DMXL2: variants seen among roughly 807,000 people sequenced by gnomAD.
DMXL2 encodes dmX-like protein 2.
A neutral mutation model predicts 331.1 loss-of-function variants in DMXL2; 103 were observed. The ratio of observed to expected loss-of-function variants is 0.31; its 90% CI spans 0.27 to 0.37. DMXL2 has a LOEUF of 0.37. DMXL2 is among the 10% of genes least tolerant of loss of function. The pLI, the probability that DMXL2 is intolerant of heterozygous loss-of-function variation, is 1.00. For synonymous variants in DMXL2, 1,281 were observed against 1,252.1 expected (o/e 1.02, Z -0.49); for missense variants, 3,171 against 3,642.9 (o/e 0.87, Z 3.33).
chr15:51,544,198 G>A (rs1195004397), intron 8 of DMXL2, among the ~76,000 whole-genome samples: 2 of 152,190 alleles, frequency 1.3e-5, no homozygotes, highest in African/African-American at 4.8e-5. Context: ...CAATGTTGGA[G>A]GTAGAGCCTG....
At chr15:51,567,913 T>G (rs1202454421) in intron 3 of DMXL2, 1 of 152,310 alleles carries the variant, frequency 6.6e-6, no homozygotes, top group African/African-American at 2.4e-5. Context: ...GGAAACTCCA[T>G]CTCTACGAAA....
At chr15:51,571,222 A>G in intron 2 of DMXL2, among the ~76,000 whole-genome samples, 1 of 152,238 alleles carries the variant, frequency 6.6e-6, no homozygotes, top group Non-Finnish European at 1.5e-5. Flanking sequence ...GATCAATTCA[A>G]CGAGAAGAGC....
intron 1 of DMXL2, among the ~76,000 whole-genome samples, chr15:51,581,510 TGA>T (rs1172653341): frequency 6.6e-6 from 1 of 152,224 alleles, no homozygotes; most frequent in Non-Finnish European, 1.5e-5. Context: ...TTAGGCATGT[TGA>T]GAGGTCTTTT....
intron 2 of DMXL2, among the ~76,000 whole-genome samples, chr15:51,570,246 A>G (rs2050574918): frequency 8.7e-6 from 1 of 114,300 alleles, no homozygotes; most frequent in Admixed American, 9.0e-5. Context: ...ATTAGAGAAA[A>G]AAGAGTGAAA....
intron 13 of DMXL2, among the ~76,000 whole-genome samples, chr15:51,531,207 G>A (rs2140838902): frequency 6.6e-6 from 1 of 152,190 alleles, no homozygotes; most frequent in South Asian, 2.1e-4. Flanking sequence ...GAACAGAAAA[G>A]AGAACCCAGA....
Position 51,599,227 on chromosome 15 carries a change from C to A in DMXL2, c.88-23046G>T, listed in dbSNP as rs1421028600. Among the ~76,000 whole-genome samples, 4 of 152,146 alleles carry A rather than the reference C, an allele frequency of 2.6e-5. No individual in the cohort carries two copies. In the East Asian group the frequency reaches 7.7e-4, roughly 29 times the overall value. ...TTTCTGGCACAAGAAATTCCAGATTCATCTCATTTTTCATGCTCCAGCCTA... is the reference window on the plus strand; with the variant it reads ...TTTCTGGCACAAGAAATTCCAGATTAATCTCATTTTTCATGCTCCAGCCTA... On this transcript the variant is annotated intron_variant, in intron 1 of 43. Coordinates refer to ENST00000560891, the MANE Select transcript of DMXL2 (RefSeq NM_001378457.1).
In DMXL2 at chr15:51,448,352, A is replaced by C. The variant is rs1467693475; in HGVS notation, c.*632T>G. 1 of 153,204 alleles carries C rather than the reference A, an allele frequency of 6.5e-6. No homozygotes were observed. Among genetic ancestry groups the C allele is most frequent in the Non-Finnish European group, 1.5e-5 (1 of 68,454 alleles). 9.5% of individuals were successfully genotyped at this position (153,204 alleles called of 1,614,324 possible). The stretch of plus-strand genomic sequence containing the variant: ...AATAGAAAAACTAGCAGTCCAAAAA[A>C]TGTGAATGTGCAAATTGTGAGTAAA... On this transcript the variant is annotated 3_prime_UTR_variant, in exon 44 of 44. Transcript: ENST00000560891.
intron 34 of DMXL2, 85 bp from the exon 35 acceptor site, chr15:51,458,880 A>G (rs1289411955): frequency 4.3e-6 from 5 of 1,164,594 alleles, no homozygotes; most frequent in Non-Finnish European, 4.9e-6. Flanking sequence ...TAAATGTAGG[A>G]TAAGAAGAAA....
At position 51,617,310 on chromosome 15, in the gene DMXL2, G is replaced by A. The variant is rs150030134; in HGVS notation, c.87+5149C>T. ...GGAGAACCTAAACACCATCACACTGGTCCCATCTCCCACCCAATACTGTAC... is the reference window on the plus strand; with the variant it reads ...GGAGAACCTAAACACCATCACACTGATCCCATCTCCCACCCAATACTGTAC... On this transcript the variant is annotated intron_variant, in intron 1 of 43. Coordinates refer to ENST00000560891, the MANE Select transcript of DMXL2 (RefSeq NM_001378457.1). 3.2e-3 allele frequency among the ~76,000 whole-genome samples: 486 copies of A among 152,274 alleles called. 4 individuals are homozygous for A. The highest frequency in any genetic ancestry group is 0.011 in the African/African-American group (454 of 41,558).
chr15:51,452,999 A>G (rs1237937883), intron 41 of DMXL2, among the ~76,000 whole-genome samples: 1 of 151,398 alleles, frequency 6.6e-6, no homozygotes, highest in Non-Finnish European at 1.5e-5. Flanking sequence ...AGAAAATCAT[A>G]TGTCGTATGT....
At chr15:51,522,531 C>G (rs977605777) in intron 13 of DMXL2, among the ~76,000 whole-genome samples, 14 of 152,194 alleles carry the variant, frequency 9.2e-5, no homozygotes, top group Non-Finnish European at 2.1e-4. Context: ...GTAGTCCCAG[C>G]TACTCAGGAG....
At chr15:51,622,391 G>C in intron 1 of DMXL2, 68 bp downstream of exon 1, 1 of 1,544,066 alleles carries the variant, frequency 6.5e-7, no homozygotes, top group South Asian at 1.2e-5. Context: ...GTGCGCCCTG[G>C]ACAGGAGGTC....
intron 23 of DMXL2, among the ~76,000 whole-genome samples, chr15:51,482,629 G>A (rs2042096854): frequency 6.6e-6 from 1 of 152,174 alleles, no homozygotes; most frequent in Non-Finnish European, 1.5e-5. Context: ...TTGGAGGAAT[G>A]GTCATTTCCA....
chr15:51,531,287 C>G (rs552076512), intron 13 of DMXL2, among the ~76,000 whole-genome samples: 1 of 152,238 alleles, frequency 6.6e-6, no homozygotes, highest in South Asian at 2.1e-4. Context: ...GGAGAAAAGA[C>G]AGTCTCTTCA....
chr15:51,602,429 G>T (rs533514692), intron 1 of DMXL2, among the ~76,000 whole-genome samples: 1 of 151,940 alleles, frequency 6.6e-6, no homozygotes, highest in African/African-American at 2.4e-5. Flanking sequence ...GTGGATCCAC[G>T]TTGCTCTTTT....
intron 13 of DMXL2, among the ~76,000 whole-genome samples, chr15:51,519,284 T>C (rs1474315423): frequency 1.3e-5 from 2 of 151,856 alleles, no homozygotes; most frequent in Non-Finnish European, 2.9e-5. Flanking sequence ...GCCTGACAAA[T>C]TTTTTAATTT....
At chr15:51,581,386 C>T (rs1218653644) in intron 1 of DMXL2, among the ~76,000 whole-genome samples, 3 of 152,018 alleles carry the variant, frequency 2.0e-5, no homozygotes, top group East Asian at 1.9e-4. Flanking sequence ...GGTTGGAGAC[C>T]GCTGCTCTAG....
intron 13 of DMXL2, among the ~76,000 whole-genome samples, chr15:51,523,700 T>G (rs2047506261): frequency 6.6e-6 from 1 of 152,162 alleles, no homozygotes. Flanking sequence ...CACCAAGGAC[T>G]GCCAGGAGCA....
At chr15:51,462,717 A>C (rs1040537304) in intron 33 of DMXL2, among the ~76,000 whole-genome samples, 1 of 152,116 alleles carries the variant, frequency 6.6e-6, no homozygotes, top group Non-Finnish European at 1.5e-5. Context: ...TAATTACCTC[A>C]CTAAATAGCC....
Sources: allele counts gnomAD v4.1 joint callset (sites outside exome capture counted in the v4.1 genomes callset), GRCh38; gene constraint gnomAD v4.1.1; transcripts MANE v1.5; gene names NCBI Gene and HGNC (gene_info 2026-07-23, HGNC 2026-07-21).